The following PCDHA7 variants were observed in gnomAD, a reference collection of about 807,000 sequenced individuals.
The protein encoded by PCDHA7 is protocadherin alpha-7.
PCDHA7 carries 37 observed loss-of-function variants against 57.2 expected under a neutral mutation model. The ratio of observed to expected loss-of-function variants is 0.65; its 90% CI spans 0.50 to 0.85. PCDHA7 has a LOEUF of 0.85. Ranked by LOEUF, PCDHA7 falls within the 40% of genes least tolerant of loss-of-function variation. PCDHA7 has a pLI of 0.00. For synonymous variants in PCDHA7, 553 were observed against 558.8 expected (o/e 0.99, Z 0.15); for missense variants, 1,188 against 1,241.8 (o/e 0.96, Z 0.65).
At chr5:140,877,443 C>T (rs376417721) in intron 1 of PCDHA7, 1 of 1,613,844 alleles carries the variant, frequency 6.2e-7, no homozygotes, top group East Asian at 2.2e-5. Flanking sequence ...ACGGTGAGCC[C>T]GCGCTGACGT....
At chr5:140,928,712 G>T in intron 1 of PCDHA7, 2 of 1,614,168 alleles carry the variant, frequency 1.2e-6, no homozygotes, top group Non-Finnish European at 1.7e-6. Flanking sequence ...TCTGACTCTA[G>T]TCTCTTTAGA....
At chr5:140,938,937 C>T (rs1302555937) in intron 1 of PCDHA7, among the ~76,000 whole-genome samples, 4 of 152,070 alleles carry the variant, frequency 2.6e-5, no homozygotes, top group African/African-American at 9.7e-5. Context: ...TTTAACTTTC[C>T]ATTCTTATAA....
intron 1 of PCDHA7, chr5:140,856,374 T>A (rs568319142): frequency 1.3e-6 from 2 of 1,598,376 alleles, no homozygotes; most frequent in Middle Eastern, 3.3e-4. Context: ...GAGGTGATCG[T>A]GGACAGGCCG....
At chr5:140,887,629 T>C (rs2061519169) in intron 1 of PCDHA7, among the ~76,000 whole-genome samples, 1 of 152,128 alleles carries the variant, frequency 6.6e-6, no homozygotes, top group Non-Finnish European at 1.5e-5. Flanking sequence ...TTTATGTTAG[T>C]CTGTTGGGGT....
chr5:140,986,308 A>G (rs1399323765), intron 3 of PCDHA7, among the ~76,000 whole-genome samples: 1 of 152,162 alleles, frequency 6.6e-6, no homozygotes, highest in African/African-American at 2.4e-5. Context: ...AGAGAAAATT[A>G]GCTAAATCAG....
chr5:140,993,891 C>G (rs2097585722), intron 3 of PCDHA7, among the ~76,000 whole-genome samples: 1 of 152,096 alleles, frequency 6.6e-6, no homozygotes. Flanking sequence ...CTATGATGTC[C>G]ATACAACAAA....
rs1190027185 is a variant in PCDHA7, at chr5:140,882,058, C to T, written c.2355+45320C>T. On this transcript the variant is annotated intron_variant, in intron 1 of 3. Transcript: ENST00000525929. ...GAAGACTGAGTCATACTTACACTTA[C>T]ACGTTCATGCGCATGGTGTCGCTCT... is the stretch of plus-strand genomic sequence containing the variant. 1.0e-5 allele frequency: 8 copies of T among 794,854 alleles called. No individual in the cohort carries two copies. The Admixed American group carries it at 2.4e-4, about 24-fold the overall frequency. The allele number at this position is 794,854 out of a possible 1,614,324, so 49.2% of individuals were successfully genotyped here.
At chr5:140,975,154 G>C (rs73268051) in intron 1 of PCDHA7, among the ~76,000 whole-genome samples, 1,571 of 152,266 alleles carry the variant, frequency 0.01, 23 homozygotes, top group African/African-American at 0.036. Flanking sequence ...TCAGTTCCTA[G>C]AGAACTGAGG....
intron 1 of PCDHA7, chr5:140,881,915 C>G (rs1431128063): frequency 1.7e-5 from 4 of 240,684 alleles, no homozygotes; most frequent in African/African-American, 8.9e-5. Flanking sequence ...AAATGTTGAG[C>G]AGAATGCAGT....
intron 1 of PCDHA7, chr5:140,871,107 G>A (rs1554165128): frequency 1.2e-6 from 2 of 1,613,306 alleles, no homozygotes; most frequent in Admixed American, 1.7e-5. Flanking sequence ...TGGTGTCGTT[G>A]GTGGAGAGCG....
chr5:140,871,519 A>G, intron 1 of PCDHA7: 1 of 1,554,010 alleles, frequency 6.4e-7, no homozygotes, highest in East Asian at 2.3e-5. Flanking sequence ...GATTCCACCT[A>G]TCAGGAAGTG....
intron 1 of PCDHA7, chr5:140,877,530 T>C: frequency 1.2e-6 from 2 of 1,613,780 alleles, no homozygotes; most frequent in Non-Finnish European, 1.7e-6. Context: ...CAGTGGGCGC[T>C]GTGGATCCCG....
chr5:140,857,468 T>C lies in PCDHA7; in HGVS notation c.2355+20730T>C. The C allele has an allele frequency of 1.3e-6, 2 of 1,598,520 alleles. 1 individual carries two copies. Among genetic ancestry groups the C allele is most frequent in the Non-Finnish European group, 1.7e-6 (2 of 1,167,858 alleles). The stretch of plus-strand genomic sequence containing the variant: ...GAACAACCCGCCAGGCTGCCACATC[T>C]TCACGGTGTCTGCGTGGGACGCGGA... On this transcript the variant is annotated intron_variant, in intron 1 of 3. Transcript: ENST00000525929.
At chr5:140,861,374 T>C in intron 1 of PCDHA7, 1 of 409,110 alleles carries the variant, frequency 2.4e-6, no homozygotes, top group Middle Eastern at 9.4e-4. Context: ...CGGTCCCTAT[T>C]GCGCAGGACC....
intron 1 of PCDHA7, chr5:140,854,171 A>AAAAAC (rs2043016661): frequency 1.5e-5 from 10 of 677,894 alleles, no homozygotes; most frequent in Non-Finnish European, 1.8e-5. Context: ...AAAAAAAAAA[A>AAAAAC]AAAAAGAGTA....
At chr5:140,912,922 G>A (rs1554195623) in intron 1 of PCDHA7, among the ~76,000 whole-genome samples, 3 of 152,210 alleles carry the variant, frequency 2.0e-5, no homozygotes, top group African/African-American at 7.2e-5. Context: ...ATTTGTGTAT[G>A]TTGAATCATC....
At chr5:140,976,970 C>A (rs1294728864) in intron 1 of PCDHA7, among the ~76,000 whole-genome samples, 3 of 152,140 alleles carry the variant, frequency 2.0e-5, no homozygotes, top group African/African-American at 7.2e-5. Context: ...CTTTCCTTTT[C>A]CCTGCCTGAT....
intron 1 of PCDHA7, among the ~76,000 whole-genome samples, chr5:140,894,286 A>T (rs2064400911): frequency 6.6e-6 from 1 of 151,788 alleles, no homozygotes; most frequent in African/African-American, 2.4e-5. Flanking sequence ...GTATTTTTGA[A>T]GTTTATTTTC....
intron 1 of PCDHA7, chr5:140,841,899 A>G (rs1362176056): frequency 1.9e-6 from 3 of 1,613,740 alleles, no homozygotes; most frequent in Non-Finnish European, 2.5e-6. Context: ...AAACTGGTTG[A>G]GCTCGTATTA....
Sources: allele counts gnomAD v4.1 joint callset (sites outside exome capture counted in the v4.1 genomes callset), GRCh38; gene constraint gnomAD v4.1.1; transcripts MANE v1.5; gene names NCBI Gene and HGNC (gene_info 2026-07-23, HGNC 2026-07-21).